The following KANSL1 variants were observed in gnomAD, a reference collection of about 807,000 sequenced individuals.
The protein encoded by KANSL1 is MLL1/MLL complex subunit KANSL1.
A neutral mutation model predicts 103.6 loss-of-function variants in KANSL1; 22 were observed. The observed-to-expected ratio is 0.21, with a 90% CI of 0.15 to 0.30. The LOEUF (loss-of-function observed/expected upper bound fraction) is 0.30, where lower values mean the gene tolerates loss of function less well. Among genes scored for constraint, KANSL1 ranks in the 10% least tolerant of loss-of-function variants. The pLI is 1.00. For synonymous variants in KANSL1, 600 were observed against 527.6 expected (o/e 1.14, Z -1.88); for missense variants, 1,337 against 1,399.8 (o/e 0.96, Z 0.72).
At chr17:46,117,651 C>A (rs767575008) in intron 2 of KANSL1, among the ~76,000 whole-genome samples, 5 of 152,212 alleles carry the variant, frequency 3.3e-5, no homozygotes, top group African/African-American at 1.2e-4. Context: ...GCTTTTAAAA[C>A]GGTATTTTAC....
intron 11 of KANSL1, among the ~76,000 whole-genome samples, chr17:46,033,907 G>A (rs949847223): frequency 6.6e-6 from 1 of 152,188 alleles, no homozygotes. Flanking sequence ...TACTGTATGT[G>A]TTGACAAAAC....
At chr17:46,083,058 CCTG>C (rs549159745) in intron 3 of KANSL1, among the ~76,000 whole-genome samples, 116 of 152,268 alleles carry the variant, frequency 7.6e-4, no homozygotes, top group African/African-American at 1.9e-3. Context: ...CCCAAAGGAA[CCTG>C]CTTTTTTCAT....
intron 4 of KANSL1, among the ~76,000 whole-genome samples, chr17:46,068,343 C>T (rs1193114880): frequency 6.6e-6 from 1 of 151,718 alleles, no homozygotes; most frequent in African/African-American, 2.4e-5. Context: ...GTAGGAGGAT[C>T]TCTTGAGCCC....
At chr17:46,104,645 A>C (rs188336854) in intron 2 of KANSL1, among the ~76,000 whole-genome samples, 1 of 152,346 alleles carries the variant, frequency 6.6e-6, no homozygotes, top group African/African-American at 2.4e-5. Flanking sequence ...TATCCTGTTT[A>C]ATTCTCAAAT....
At chr17:46,213,600 G>A (rs1271893354) in intron 1 of KANSL1, among the ~76,000 whole-genome samples, 1 of 150,976 alleles carries the variant, frequency 6.6e-6, no homozygotes, top group Non-Finnish European at 1.5e-5. Context: ...GAGCCACCGT[G>A]CCCGGCCCAA....
chr17:46,152,592 G>T (rs970591870), intron 2 of KANSL1, among the ~76,000 whole-genome samples: 2 of 140,780 alleles, frequency 1.4e-5, no homozygotes, highest in East Asian at 2.4e-4. Context: ...AGGGGGGGGG[G>T]GGATTTCAGA....
intron 4 of KANSL1, among the ~76,000 whole-genome samples, chr17:46,068,511 G>C (rs1446623897): frequency 1.3e-5 from 2 of 152,148 alleles, no homozygotes; most frequent in Non-Finnish European, 2.9e-5. Flanking sequence ...AGAGGCTGCA[G>C]TGAGCCATGA....
chr17:46,099,512 AG>A, intron 2 of KANSL1, among the ~76,000 whole-genome samples: 1 of 152,348 alleles, frequency 6.6e-6, no homozygotes, highest in African/African-American at 2.4e-5. Flanking sequence ...TACAGACTTC[AG>A]GAAAGAACAC....
At chr17:46,033,340 C>T in intron 12 of KANSL1, 63 bp downstream of exon 12, 2 of 1,530,648 alleles carry the variant, frequency 1.3e-6, no homozygotes, top group Non-Finnish European at 9.0e-7. Context: ...AGGGTGTGTG[C>T]ACTCATATGT....
chr17:46,094,449 T>A, intron 3 of KANSL1, 111 bp downstream of exon 3: 1 of 1,266,538 alleles, frequency 7.9e-7, no homozygotes, highest in East Asian at 2.4e-5. Flanking sequence ...CCATTTACTT[T>A]GCAATAGTTA....
At chr17:46,147,734 G>A (rs930804397) in intron 2 of KANSL1, among the ~76,000 whole-genome samples, 4 of 152,174 alleles carry the variant, frequency 2.6e-5, no homozygotes, top group Admixed American at 2.0e-4. Context: ...GTCAGCATTG[G>A]AAGAAGTTGT....
At chr17:46,197,119 A>T (rs1387969366), upstream of KANSL1, among the ~76,000 whole-genome samples, 1 of 152,180 alleles carries the variant, frequency 6.6e-6, no homozygotes, top group African/African-American at 2.4e-5. Flanking sequence ...GTCTCCAAAA[A>T]AAGAAAAAGA....
chr17:46,169,527 T>A (rs994014803), intron 2 of KANSL1: 4 of 152,248 alleles, frequency 2.6e-5, no homozygotes, highest in African/African-American at 9.6e-5. Context: ...AAAATCTTCA[T>A]CACCTTTTAA....
chr17:46,166,228 A>G (rs1000475406), intron 2 of KANSL1, among the ~76,000 whole-genome samples: 6 of 143,098 alleles, frequency 4.2e-5, no homozygotes, highest in African/African-American at 5.3e-5. Flanking sequence ...AAAAAAAAAA[A>G]GGGCTGGGCA....
chr17:46,218,769 C>G (rs558026801), intron 1 of KANSL1, among the ~76,000 whole-genome samples: 2 of 149,920 alleles, frequency 1.3e-5, no homozygotes, highest in East Asian at 3.9e-4. Context: ...GGCGACACAG[C>G]AAGACTCCAT....
At chr17:46,070,393 G>GT (rs2078532270) in intron 4 of KANSL1, among the ~76,000 whole-genome samples, 1 of 152,108 alleles carries the variant, frequency 6.6e-6, no homozygotes, top group South Asian at 2.1e-4. Flanking sequence ...TGTTACAGTT[G>GT]TAAAACTATT....
At chr17:46,203,107 C>T (rs1387134371) in intron 1 of KANSL1, among the ~76,000 whole-genome samples, 2 of 152,186 alleles carry the variant, frequency 1.3e-5, no homozygotes, top group African/African-American at 2.4e-5. Context: ...TGGCATGCGC[C>T]TGTAGTCCCA....
At position 46,039,766 on chromosome 17, in the gene KANSL1, G is replaced by T. The variant is rs1568375579; in HGVS notation, c.2139C>A (p.Gly713=). The T allele has an allele frequency of 2.5e-6, 4 of 1,614,220 alleles. No homozygotes were observed. The highest frequency in any genetic ancestry group is 2.5e-6 in the Non-Finnish European group (3 of 1,180,036). ...CCTTACGAGCTGAATCTGGCAGACTGCCCGGCATGGGTGCTCTGTGCTTAA... is the reference window on the plus strand; with the variant it reads ...CCTTACGAGCTGAATCTGGCAGACTTCCCGGCATGGGTGCTCTGTGCTTAA... The part of the protein sequence containing the change: ...LSLKHRAPMP[G]SLPDSARKDR... The change falls in exon 8 of 15, where the codon GGC becomes GGA. Residue 713 remains glycine, a synonymous_variant. Transcript: ENST00000432791.
At chr17:46,169,681 A>G (rs968643332) in intron 2 of KANSL1, 8 of 152,266 alleles carry the variant, frequency 5.3e-5, no homozygotes, top group African/African-American at 1.9e-4. Flanking sequence ...CTCTCTCTCA[A>G]ATCTGATATT....
Sources: gnomAD v4.1 joint callset for allele counts (sites outside exome capture counted in the v4.1 genomes callset) on GRCh38, gnomAD v4.1.1 for gene constraint, MANE v1.5 for transcripts, NCBI Gene and HGNC (gene_info 2026-07-23, HGNC 2026-07-21) for gene names.